Variants in MDGA2 observed in about 807,000 individuals in gnomAD.
MDGA2 encodes the protein MAM domain-containing glycosylphosphatidylinositol anchor protein 2.
MDGA2 carries 40 observed loss-of-function variants against 117.8 expected under a neutral mutation model. The observed-to-expected ratio is 0.34, with a 90% CI of 0.26 to 0.44. The LOEUF is 0.44. Ranked by LOEUF, MDGA2 falls within the 20% of genes least tolerant of loss-of-function variation. The pLI is 1.00. For missense variants in MDGA2, 1,123 were observed against 1,250.6 expected (o/e 0.90, Z 1.54); for synonymous variants, 452 against 439.0 (o/e 1.03, Z -0.37).
intron 2 of MDGA2, among the ~76,000 whole-genome samples, chr14:47,223,200 C>T (rs914132941): frequency 3.9e-5 from 6 of 152,142 alleles, no homozygotes; most frequent in African/African-American, 1.4e-4. Flanking sequence ...CCTCCTAGAA[C>T]ATGTGGGAAT....
intron 10 of MDGA2, among the ~76,000 whole-genome samples, chr14:46,883,562 A>T (rs1158965761): frequency 2.0e-5 from 3 of 152,068 alleles, no homozygotes; most frequent in Non-Finnish European, 4.4e-5. Context: ...TACTTTAGTA[A>T]CAATAAAGTG....
intron 1 of MDGA2, among the ~76,000 whole-genome samples, chr14:47,306,406 G>T (rs1431928787): frequency 6.6e-6 from 1 of 152,130 alleles, no homozygotes; most frequent in African/African-American, 2.4e-5. Context: ...TGGCATGAGG[G>T]CTTAGATGAG....
At chr14:47,278,022 A>C (rs1888360026) in intron 2 of MDGA2, among the ~76,000 whole-genome samples, 1 of 152,154 alleles carries the variant, frequency 6.6e-6, no homozygotes, top group African/African-American at 2.4e-5. Flanking sequence ...GGAAAGCCCA[A>C]GTAGCTATAG....
intron 1 of MDGA2, among the ~76,000 whole-genome samples, chr14:47,440,997 TA>T (rs1237239328): frequency 6.6e-6 from 1 of 152,096 alleles, no homozygotes; most frequent in Non-Finnish European, 1.5e-5. Context: ...CCTTCAGCTG[TA>T]TTACAATACA....
Position 47,225,457 on chromosome 14 carries a change from G to T in MDGA2, c.421-7262C>A, listed in dbSNP as rs536872470. 3.3e-3 allele frequency among the ~76,000 whole-genome samples: 503 copies of T among 151,968 alleles called. 7 individuals are homozygous for T. The highest frequency in any genetic ancestry group is 0.011 in the African/African-American group (470 of 41,330). On this transcript the variant is annotated intron_variant, in intron 2 of 16. Coordinates refer to ENST00000399232, the MANE Select transcript of MDGA2 (RefSeq NM_001113498.3). ...CTGGATTAAGAAAATGTGGCACATA[G>T]ACACCACGGAATACTATGCAGCCAT...
intron 5 of MDGA2, among the ~76,000 whole-genome samples, chr14:47,128,610 T>C (rs547886012): frequency 5.1e-4 from 77 of 152,158 alleles, no homozygotes; most frequent in African/African-American, 1.8e-3. Context: ...ATTTCCCCTT[T>C]TTTAAGTCAG....
intron 8 of MDGA2, among the ~76,000 whole-genome samples, chr14:46,990,411 GT>G (rs1486663005): frequency 1.3e-5 from 2 of 151,812 alleles, no homozygotes. Context: ...AGTAAAATTT[GT>G]TTAAAAATTC....
chr14:47,005,046 G>A (rs1887663250), intron 8 of MDGA2, among the ~76,000 whole-genome samples: 1 of 151,532 alleles, frequency 6.6e-6, no homozygotes, highest in Non-Finnish European at 1.5e-5. Flanking sequence ...AAGATCATCT[G>A]TGAATAAAGA....
chr14:47,452,616 A>AC (rs146871753), intron 1 of MDGA2, among the ~76,000 whole-genome samples: 46,989 of 151,656 alleles, frequency 0.31, 7,583 homozygotes, highest in South Asian at 0.53. Context: ...TCATACTGCA[A>AC]CAGAAATGAC....
chr14:46,990,859 C>T (rs1037530918), intron 8 of MDGA2, among the ~76,000 whole-genome samples: 2 of 58,174 alleles, frequency 3.4e-5, no homozygotes, highest in Admixed American at 3.0e-4. Flanking sequence ...TTAGAACACA[C>T]ACACACCCAC....
intron 8 of MDGA2, among the ~76,000 whole-genome samples, chr14:46,976,925 C>G (rs2050966): frequency 6.6e-6 from 1 of 151,626 alleles, no homozygotes; most frequent in Non-Finnish European, 1.5e-5. Flanking sequence ...TTAACAAGTT[C>G]ATGCCTTGGA....
intron 1 of MDGA2, among the ~76,000 whole-genome samples, chr14:47,499,650 A>T (rs4900774): frequency 0.42 from 64,199 of 151,952 alleles, 14,319 homozygotes; most frequent in East Asian, 0.61. Context: ...AGAGATGAGC[A>T]AAGATTGGCT....
intron 1 of MDGA2, among the ~76,000 whole-genome samples, chr14:47,315,592 TTCTTGCAC>T (rs891081331): frequency 1.1e-4 from 16 of 152,118 alleles, no homozygotes; most frequent in Admixed American, 7.9e-4. Context: ...ACTCAACAGC[TTCTTGCAC>T]TCTTCCAATC....
intron 1 of MDGA2, among the ~76,000 whole-genome samples, chr14:47,528,213 C>T (rs936096812): frequency 4.1e-4 from 62 of 152,178 alleles, no homozygotes; most frequent in African/African-American, 1.4e-3. Context: ...TTCTCCTGTA[C>T]CTAAACACGG....
intron 10 of MDGA2, among the ~76,000 whole-genome samples, chr14:46,895,747 ATAAC>A (rs930381719): frequency 9.2e-5 from 14 of 152,160 alleles, no homozygotes; most frequent in Middle Eastern, 3.4e-3. Context: ...AAAAAAAAGA[ATAAC>A]TAGGTATATT....
At chr14:46,894,417 AT>A (rs150928476) in intron 10 of MDGA2, among the ~76,000 whole-genome samples, 5,641 of 151,632 alleles carry the variant, frequency 0.037, 364 homozygotes, top group African/African-American at 0.13. Context: ...AAATTTATAA[AT>A]TTTTTTTTCA....
At chr14:47,059,279 A>G in intron 7 of MDGA2, 1 of 1,243,772 alleles carries the variant, frequency 8.0e-7, no homozygotes, top group Non-Finnish European at 1.1e-6. Flanking sequence ...TAGAGCTTCC[A>G]TTCTATGGAG....
intron 1 of MDGA2, among the ~76,000 whole-genome samples, chr14:47,373,871 A>G (rs1891420071): frequency 6.6e-6 from 1 of 152,196 alleles, no homozygotes; most frequent in Non-Finnish European, 1.5e-5. Flanking sequence ...CAATTTTTTC[A>G]ACATGATAAC....
Position 47,354,721 on chromosome 14 carries a change from ACTGTCAC to A in MDGA2, c.281-53178_281-53172del, listed in dbSNP as rs1655182916. ...AATCCACCTTGGTTGTGGTCATTAGACTGTCACCCAAGCGATCAAACAAACCCTGTCT... is the reference window on the plus strand; with the variant it reads ...AATCCACCTTGGTTGTGGTCATTAGACCAAGCGATCAAACAAACCCTGTCT... On this transcript the variant is annotated intron_variant, in intron 1 of 16. Coordinates refer to ENST00000399232, the MANE Select transcript of MDGA2 (RefSeq NM_001113498.3). Among the ~76,000 whole-genome samples the A allele has an allele frequency of 2.6e-5, 4 of 152,248 alleles. No individual in the cohort carries two copies. The South Asian group carries it at 6.2e-4, about 24-fold the overall frequency.
Sources: gnomAD v4.1 joint callset for allele counts (sites outside exome capture counted in the v4.1 genomes callset) on GRCh38, gnomAD v4.1.1 for gene constraint, MANE v1.5 for transcripts, NCBI Gene and HGNC (gene_info 2026-07-23, HGNC 2026-07-21) for gene names.